Variants in CHN2 observed in about 807,000 individuals in gnomAD.
CHN2 encodes the protein chimerin 2, also known as beta-chimaerin.
Under a neutral mutation model 56.3 loss-of-function variants are expected in CHN2, and 35 were observed. The ratio of observed to expected loss-of-function variants is 0.62; its 90% confidence interval spans 0.47 to 0.82. The LOEUF is 0.82. CHN2 is among the 40% of genes least tolerant of loss of function. CHN2 has a pLI of 0.00. For synonymous variants in CHN2, 210 were observed against 212.8 expected (o/e 0.99, Z 0.12); for missense variants, 491 against 580.5 (o/e 0.85, Z 1.58).
At chr7:29,492,450 C>T (rs1350454528) in intron 7 of CHN2, among the ~76,000 whole-genome samples, 1 of 152,084 alleles carries the variant, frequency 6.6e-6, no homozygotes, top group Non-Finnish European at 1.5e-5. Flanking sequence ...CTGTTCTTCT[C>T]CTTAAATATA....
chr7:29,285,263 A>G (rs1792058635), intron 1 of CHN2, among the ~76,000 whole-genome samples: 1 of 152,244 alleles, frequency 6.6e-6, no homozygotes, highest in African/African-American at 2.4e-5. Context: ...GTCCAGTCAT[A>G]GGTGATACAC....
chr7:29,383,907 T>G (rs6462134), intron 3 of CHN2, among the ~76,000 whole-genome samples: 54,181 of 152,044 alleles, frequency 0.36, 10,042 homozygotes, highest in Middle Eastern at 0.47. Context: ...AAGAGACTAC[T>G]TTCGTAGTCT....
intron 2 of CHN2, among the ~76,000 whole-genome samples, chr7:29,364,062 G>A (rs1798948263): frequency 6.6e-6 from 1 of 152,190 alleles, no homozygotes; most frequent in Non-Finnish European, 1.5e-5. Context: ...AAGGCTGTAT[G>A]TTAGCTCTAT....
chr7:29,391,651 C>T (rs1294188699), intron 3 of CHN2, among the ~76,000 whole-genome samples: 1 of 152,132 alleles, frequency 6.6e-6, no homozygotes, highest in African/African-American at 2.4e-5. Context: ...TCTTTCAAGG[C>T]ACCCTAAATA....
At position 29,257,118 on chromosome 7, in the gene CHN2, C is replaced by T. The variant is rs187488909; in HGVS notation, c.49+62128C>T. Among the ~76,000 whole-genome samples, 684 of 152,270 alleles carry T rather than the reference C, an allele frequency of 4.5e-3. 6 individuals are homozygous for T. Among genetic ancestry groups the T allele is most frequent in the African/African-American group, 0.016 (667 of 41,566 alleles). Reference sequence around the variant, plus strand: ...TGCCTGGTCTGAAATTCAGATGCCTCCACCAGAAAATAGGTTTACTCACCC... The same window carrying T: ...TGCCTGGTCTGAAATTCAGATGCCTTCACCAGAAAATAGGTTTACTCACCC... On this transcript the variant is annotated intron_variant, in intron 1 of 12. Transcript: ENST00000222792.
At chr7:29,418,567 G>A (rs1409851825) in intron 6 of CHN2, among the ~76,000 whole-genome samples, 2 of 152,194 alleles carry the variant, frequency 1.3e-5, no homozygotes, top group African/African-American at 2.4e-5. Context: ...TTTAAATCTG[G>A]AAGCATGGCT....
At chr7:29,359,268 G>A (rs1409543862) in intron 2 of CHN2, among the ~76,000 whole-genome samples, 1 of 152,152 alleles carries the variant, frequency 6.6e-6, no homozygotes, top group African/African-American at 2.4e-5. Context: ...AATATTGGAA[G>A]GAGGAAGATG....
At chr7:29,233,538 G>A (rs1172465660) in intron 1 of CHN2, among the ~76,000 whole-genome samples, 1 of 152,198 alleles carries the variant, frequency 6.6e-6, no homozygotes, top group African/African-American at 2.4e-5. Context: ...TAAGGTTGGA[G>A]ATGGGCTTAA....
At position 29,158,062 on chromosome 7, in the gene CHN2, G is replaced by GA. The variant is rs534634133; in HGVS notation, c.274+11108dup. On this transcript the variant is annotated intron_variant, in intron 2 of 6. Coordinates refer to the CHN2 transcript ENST00000439384. ...GGCAGGGAGGTAATCAAATAAAGGA[G>GA]AAAAAAGACACAATGAGCTCATCAC... Among the ~76,000 whole-genome samples, 179 of 152,212 alleles carry GA rather than the reference G, an allele frequency of 1.2e-3. 5 individuals are homozygous for GA. In the South Asian group the frequency reaches 0.028, roughly 24 times the overall value.
intron 6 of CHN2, among the ~76,000 whole-genome samples, chr7:29,429,854 A>G (rs993654955): frequency 7.2e-5 from 11 of 152,224 alleles, no homozygotes; most frequent in Non-Finnish European, 1.5e-4. Context: ...ACTTTATTAT[A>G]TATAGGAACC....
chr7:29,240,568 C>T (rs980772033), intron 1 of CHN2, among the ~76,000 whole-genome samples: 1 of 152,110 alleles, frequency 6.6e-6, no homozygotes, highest in Non-Finnish European at 1.5e-5. Flanking sequence ...TTACTATGTG[C>T]TGTGTGTACA....
At chr7:29,175,992 C>A (rs747746517) in intron 2 of CHN2, among the ~76,000 whole-genome samples, 1 of 152,098 alleles carries the variant, frequency 6.6e-6, no homozygotes, top group Non-Finnish European at 1.5e-5. Flanking sequence ...CAAGACCATC[C>A]TGACTAACAC....
At chr7:29,476,245 A>G (rs1786574649) in intron 6 of CHN2, among the ~76,000 whole-genome samples, 1 of 152,138 alleles carries the variant, frequency 6.6e-6, no homozygotes, top group African/African-American at 2.4e-5. Context: ...GAGTCAAAAT[A>G]TGCAAAGTGG....
At chr7:29,322,883 C>T (rs1795472183) in intron 1 of CHN2, among the ~76,000 whole-genome samples, 1 of 152,174 alleles carries the variant, frequency 6.6e-6, no homozygotes, top group African/African-American at 2.4e-5. Context: ...TTCCTTGTGG[C>T]TGGGTGCGGT....
chr7:29,225,690 C>T (rs1786133605), intron 1 of CHN2, among the ~76,000 whole-genome samples: 1 of 152,140 alleles, frequency 6.6e-6, no homozygotes, highest in African/African-American at 2.4e-5. Flanking sequence ...ATCCTTGCTA[C>T]CTTATGAAGG....
intron 1 of CHN2, among the ~76,000 whole-genome samples, chr7:29,211,452 A>G (rs1051284567): frequency 1.3e-3 from 103 of 80,008 alleles, no homozygotes; most frequent in African/African-American, 0.011. Context: ...GCATGTTGGC[A>G]CACACACACA....
At chr7:29,158,140 T>C (rs1794679060) in intron 2 of CHN2, among the ~76,000 whole-genome samples, 1 of 152,174 alleles carries the variant, frequency 6.6e-6, no homozygotes, top group Non-Finnish European at 1.5e-5. Context: ...GGGAGTGGGC[T>C]GTATTGGTAG....
intron 1 of CHN2, among the ~76,000 whole-genome samples, chr7:29,219,631 A>G (rs1335873583): frequency 6.6e-6 from 1 of 152,234 alleles, no homozygotes; most frequent in Non-Finnish European, 1.5e-5. Flanking sequence ...TTTAAGATAT[A>G]CTATGTAGAC....
chr7:29,386,037 C>T (rs1800890433), intron 3 of CHN2, among the ~76,000 whole-genome samples: 1 of 152,116 alleles, frequency 6.6e-6, no homozygotes, highest in Non-Finnish European at 1.5e-5. Flanking sequence ...ACATTCTAAT[C>T]AATACAGGAA....
Sources: allele counts gnomAD v4.1 joint callset (sites outside exome capture counted in the v4.1 genomes callset), GRCh38; gene constraint gnomAD v4.1.1; transcripts MANE v1.5; gene names NCBI Gene and HGNC (gene_info 2026-07-23, HGNC 2026-07-21).